The following FBRSL1 variants were observed in gnomAD, a reference collection of about 807,000 sequenced individuals.
The protein encoded by FBRSL1 is fibrosin-1-like protein.
Under a neutral mutation model 89.6 loss-of-function variants are expected in FBRSL1, and 51 were observed. That is an observed-to-expected ratio of 0.57 (90% CI 0.45 to 0.72). FBRSL1 has a LOEUF of 0.72. FBRSL1 is among the 30% of genes least tolerant of loss of function. FBRSL1 has a pLI of 0.00. For synonymous variants in FBRSL1, 779 were observed against 681.1 expected (o/e 1.14, Z -2.24); for missense variants, 1,618 against 1,451.8 (o/e 1.11, Z -1.86).
rs543449666 is a variant in FBRSL1, at chr12:132,530,149, G to A, written c.615+2161G>A. ...GTCATGAGTATGATGACGCTCCTCCGCCCTTCCCATCATCATGAGTTTGAT... is the reference window on the plus strand; with the variant it reads ...GTCATGAGTATGATGACGCTCCTCCACCCTTCCCATCATCATGAGTTTGAT... On this transcript the variant is annotated intron_variant, in intron 4 of 18. Coordinates refer to ENST00000680143, the MANE Select transcript of FBRSL1 (RefSeq NM_001367871.1). 1.1e-4 allele frequency among the ~76,000 whole-genome samples: 16 copies of A among 151,798 alleles called. No individual in the cohort carries two copies. In the East Asian group the frequency reaches 1.4e-3, roughly 13 times the overall value.
chr12:132,510,757 C>T (rs1593286066), intron 2 of FBRSL1: 3 of 1,184,878 alleles, frequency 2.5e-6, no homozygotes, highest in South Asian at 4.3e-5. Flanking sequence ...CCCCCACCCG[C>T]GTTGCTGCCT....
At position 132,584,874 on chromosome 12, in the gene FBRSL1, T is replaced by C. The variant is rs140568779; in HGVS notation, c.*1096T>C. ...CACAAAATCACTGCTGTGTGTTTTC[T>C]TCCGCCTGAGGCATCAGCGTCACCT... On this transcript the variant is annotated 3_prime_UTR_variant, in exon 19 of 19. Transcript: ENST00000680143. The C allele has an allele frequency of 6.6e-6, 1 of 152,378 alleles. No homozygotes were observed. The highest frequency in any genetic ancestry group is 1.5e-5 in the Non-Finnish European group (1 of 68,138). 9.4% of individuals were successfully genotyped at this position (152,378 alleles called of 1,614,324 possible).
intron 12 of FBRSL1, 59 bp from the exon 13 acceptor site, chr12:132,574,260 C>A: frequency 6.8e-7 from 1 of 1,472,414 alleles, no homozygotes; most frequent in South Asian, 1.4e-5. Flanking sequence ...GTCCCCTGCA[C>A]CCCCAGGACT....
chr12:132,576,993 C>T (rs1273513885), intron 15 of FBRSL1, 62 bp downstream of exon 15: 8 of 1,510,766 alleles, frequency 5.3e-6, no homozygotes, highest in Non-Finnish European at 6.2e-6. Flanking sequence ...CCAGCTGAGC[C>T]TGCCTTCCTG....
At position 132,496,600 on chromosome 12, in the gene FBRSL1, G is replaced by A. The variant is rs562391917; in HGVS notation, c.291+5739G>A. ...GGGGGTTGTCATTGGCCCTGCTGGCGTCTGCACATGGCTGTGACGTTGCTG... is the reference window on the plus strand; with the variant it reads ...GGGGGTTGTCATTGGCCCTGCTGGCATCTGCACATGGCTGTGACGTTGCTG... On this transcript the variant is annotated intron_variant, in intron 1 of 18. Transcript: ENST00000680143. 5.9e-5 allele frequency among the ~76,000 whole-genome samples: 9 copies of A among 152,340 alleles called. No individual in the cohort carries two copies. The South Asian group carries it at 6.2e-4, about 11-fold the overall frequency.
intron 5 of FBRSL1, chr12:132,560,068 C>G (rs2038984128): frequency 6.6e-6 from 1 of 151,014 alleles, no homozygotes; most frequent in South Asian, 2.0e-4. Context: ...GCCGGCGCGG[C>G]GGACATGCGC....
At position 132,508,157 on chromosome 12, in the gene FBRSL1, A is replaced by T; in HGVS notation, c.296A>T (p.Asp99Val). 1 of 1,551,072 alleles carries T rather than the reference A, an allele frequency of 6.4e-7. No homozygotes were observed. The highest frequency in any genetic ancestry group is 2.4e-5 in the East Asian group (1 of 40,916). ...SFSTLEALEK[D>V]MALKPHERKE... ...CGTTTCCCTGTCTCCCTGCAGAAGG[A>T]TATGGCCCTGAAGCCACATGAGCGG... The change falls in exon 2 of 19, where the codon GAT becomes GTT. Residue 99 changes from aspartate (D) to valine (V), a missense_variant. Asp to Val is a radical substitution (Grantham distance 152). Transcript: ENST00000680143.
rs1593535547 is a variant in FBRSL1 at position 132,567,627 on chromosome 12, G to A, written c.691+101G>A. The A allele has an allele frequency of 4.7e-6, 6 of 1,269,520 alleles. No homozygotes were observed. In the East Asian group the frequency reaches 1.0e-4, roughly 21 times the overall value. The allele number at this position is 1,269,520 out of a possible 1,614,324, so 78.6% of individuals were successfully genotyped here. On this transcript the variant is annotated intron_variant, in intron 6 of 18. Transcript: ENST00000680143. ...TCCCCCTGAAGTCAGGGGAGAGATG[G>A]TCTTGGCACCTGGGGTGCAGAGCTG...
intron 4 of FBRSL1, among the ~76,000 whole-genome samples, chr12:132,537,565 C>T (rs2036866029): frequency 6.6e-6 from 1 of 152,212 alleles, no homozygotes; most frequent in Admixed American, 6.5e-5. Context: ...ACCCAAGGCT[C>T]AGGTGGTGCT....
chr12:132,520,138 C>T (rs2136822710), intron 2 of FBRSL1, among the ~76,000 whole-genome samples: 1 of 150,944 alleles, frequency 6.6e-6, no homozygotes, highest in African/African-American at 2.4e-5. Context: ...CCTTGCACCC[C>T]TCCAGCACAC....
At chr12:132,532,916 G>C (rs2036410167) in intron 4 of FBRSL1, among the ~76,000 whole-genome samples, 1 of 152,182 alleles carries the variant, frequency 6.6e-6, no homozygotes, top group Non-Finnish European at 1.5e-5. Flanking sequence ...CAGCCGCTGG[G>C]GTCCCGCTGC....
At chr12:132,508,687 G>A (rs1355107071) in intron 2 of FBRSL1, among the ~76,000 whole-genome samples, 1 of 152,256 alleles carries the variant, frequency 6.6e-6, no homozygotes, top group Non-Finnish European at 1.5e-5. Flanking sequence ...GACTACAGGT[G>A]TCCAGAGTGT....
At chr12:132,551,226 C>T (rs746318689) in intron 5 of FBRSL1, 3 of 364,494 alleles carry the variant, frequency 8.2e-6, no homozygotes, top group South Asian at 3.9e-5. Context: ...GTGTGGAACC[C>T]GTCTGTGAAC....
At chr12:132,561,303 ACCC>A (rs1241926820) in intron 5 of FBRSL1, among the ~76,000 whole-genome samples, 1 of 151,722 alleles carries the variant, frequency 6.6e-6, no homozygotes, top group African/African-American at 2.4e-5. Context: ...CGTGCGGAAG[ACCC>A]TCCCCTTCCT....
Position 132,569,910 on chromosome 12 carries a change from C to T in FBRSL1, c.692-16C>T, listed in dbSNP as rs758290549. On this transcript the variant is annotated splice_polypyrimidine_tract_variant and intron_variant, in intron 6 of 18. Coordinates refer to ENST00000680143, the MANE Select transcript of FBRSL1 (RefSeq NM_001367871.1). The stretch of plus-strand genomic sequence containing the variant: ...GAGGCCCTGCTGGTCTGAACGCAGC[C>T]ACCCTCTCTCTGCAGGCCCAGCGCT... The T allele has an allele frequency of 7.3e-7, 1 of 1,379,192 alleles. No individual in the cohort carries two copies. The highest frequency in any genetic ancestry group is 1.5e-5 in the African/African-American group (1 of 65,692). The allele number at this position is 1,379,192 out of a possible 1,614,324, so 85.4% of individuals were successfully genotyped here. A position where few individuals can be genotyped will look rare whatever the true frequency, so the allele number is the denominator to read the frequency against.
intron 11 of FBRSL1, 111 bp downstream of exon 11, chr12:132,572,733 C>T (rs969383907): frequency 3.8e-6 from 3 of 782,348 alleles, no homozygotes; most frequent in Non-Finnish European, 4.2e-6. Context: ...CTTTCCCTCC[C>T]TTGTACCTGT....
intron 2 of FBRSL1, chr12:132,511,331 C>T (rs2034315929): frequency 1.0e-6 from 1 of 985,578 alleles, no homozygotes; most frequent in African/African-American, 1.7e-5. Flanking sequence ...AGCGTCCCGT[C>T]TGGCTGTTGA....
intron 4 of FBRSL1, among the ~76,000 whole-genome samples, chr12:132,537,969 G>T (rs2137136389): frequency 6.6e-6 from 1 of 152,310 alleles, no homozygotes; most frequent in South Asian, 2.1e-4. Flanking sequence ...ACTGCACGGA[G>T]AGCTCGGGGG....
Position 132,585,169 on chromosome 12 carries a change from C to T in FBRSL1, c.*1391C>T, listed in dbSNP as rs1329920646. 6.7e-6 allele frequency: 1 copy of T among 148,632 alleles called. No homozygotes were observed. Among genetic ancestry groups the T allele is most frequent in the Non-Finnish European group, 1.5e-5 (1 of 68,044 alleles). The allele number at this position is 148,632 out of a possible 1,614,324, so 9.2% of individuals were successfully genotyped here. A position where few individuals can be genotyped will look rare whatever the true frequency, so the allele number is the denominator to read the frequency against. On this transcript the variant is annotated 3_prime_UTR_variant, in exon 19 of 19. Transcript: ENST00000680143. Reference sequence around the variant, plus strand: ...CCATGTCAATCAGTGACGATAAATACAGCCTTGATTTGGATGAAACTGTGG... The same window carrying T: ...CCATGTCAATCAGTGACGATAAATATAGCCTTGATTTGGATGAAACTGTGG...
Sources: gnomAD v4.1 joint callset for allele counts (sites outside exome capture counted in the v4.1 genomes callset) on GRCh38, gnomAD v4.1.1 for gene constraint, MANE v1.5 for transcripts, NCBI Gene and HGNC (gene_info 2026-07-23, HGNC 2026-07-21) for gene names.